SPTBN4: variants seen among roughly 807,000 people sequenced by gnomAD.
SPTBN4 encodes the protein spectrin beta chain, non-erythrocytic 4.
Under a neutral mutation model 277.8 loss-of-function variants are expected in SPTBN4, and 96 were observed. The observed-to-expected ratio is 0.35, with a 90% CI of 0.29 to 0.41. SPTBN4 has a LOEUF of 0.41. SPTBN4 is among the 10% of genes least tolerant of loss of function. SPTBN4 has a pLI of 1.00. For synonymous variants in SPTBN4, 1,481 were observed against 1,580.3 expected, an observed-to-expected ratio of 0.94 and a Z score of 1.49; for missense variants, 3,006 against 3,595.7, an observed-to-expected ratio of 0.84 and a Z score of 4.19.
intron 7 of SPTBN4, among the ~76,000 whole-genome samples, chr19:40,500,402 C>T (rs1486542625): frequency 6.6e-6 from 1 of 152,208 alleles, no homozygotes; most frequent in African/African-American, 2.4e-5. Context: ...GATCCAAGTG[C>T]ATGCTGCCTC....
chr19:40,553,919 C>T (rs1599800016), intron 22 of SPTBN4, among the ~76,000 whole-genome samples: 2 of 152,276 alleles, frequency 1.3e-5, no homozygotes, highest in East Asian at 1.9e-4. Context: ...TGTTCTTGGG[C>T]GCCGTACTTC....
chr19:40,523,108 G>A (rs1770309425), intron 16 of SPTBN4, among the ~76,000 whole-genome samples: 3 of 152,116 alleles, frequency 2.0e-5, no homozygotes, highest in Non-Finnish European at 2.9e-5. Flanking sequence ...CATCCAGCCT[G>A]GGCAACAGAG....
chr19:40,515,594 C>G lies in SPTBN4; in HGVS notation c.2903+146C>G. Reference sequence around the variant, plus strand: ...AAAATGTTGACCAAAAATCATAATCCCTGATACTGGTGATGACGTGGTAAA... The same window carrying G: ...AAAATGTTGACCAAAAATCATAATCGCTGATACTGGTGATGACGTGGTAAA... On this transcript the variant is annotated intron_variant, in intron 15 of 35. Transcript: ENST00000598249. The surrounding 1 kb of genome is among the most constrained non-coding windows in gnomAD (Gnocchi z 4.1). The G allele has an allele frequency of 2.0e-6, 2 of 981,748 alleles. 1 individual carries two copies. Among genetic ancestry groups the G allele is most frequent in the Non-Finnish European group, 2.8e-6 (2 of 704,984 alleles). The allele number at this position is 981,748 out of a possible 1,614,324, so 60.8% of individuals were successfully genotyped here. A position where few individuals can be genotyped will look rare whatever the true frequency, so the allele number is the denominator to read the frequency against.
At chr19:40,542,057 G>A (rs1314470229) in intron 20 of SPTBN4, among the ~76,000 whole-genome samples, 4 of 152,318 alleles carry the variant, frequency 2.6e-5, no homozygotes, top group African/African-American at 9.6e-5. Context: ...AAGTAGTTGT[G>A]ATTACAGGCG....
intron 20 of SPTBN4, among the ~76,000 whole-genome samples, chr19:40,543,696 C>G (rs1340176211): frequency 6.6e-6 from 1 of 151,998 alleles, no homozygotes; most frequent in Admixed American, 6.6e-5. Context: ...TGAATATATT[C>G]TTTTGGGAAA....
At chr19:40,570,116 T>TACAC (rs367582784) in intron 32 of SPTBN4, among the ~76,000 whole-genome samples, 1 of 150,140 alleles carries the variant, frequency 6.7e-6, no homozygotes, top group East Asian at 2.0e-4. Flanking sequence ...CATAGCCTCA[T>TACAC]ACACACACAC....
At chr19:40,491,674 A>G (rs1272001047) in intron 4 of SPTBN4, among the ~76,000 whole-genome samples, 2 of 134,562 alleles carry the variant, frequency 1.5e-5, no homozygotes, top group Non-Finnish European at 3.1e-5. Context: ...AGACCACACC[A>G]CTGCACTCCA....
chr19:40,495,035 C>G, intron 6 of SPTBN4, 58 bp downstream of exon 6: 6 of 1,501,950 alleles, frequency 4.0e-6, no homozygotes, highest in Non-Finnish European at 5.6e-6. Context: ...ATCCCTGCAG[C>G]TGCACACCTG....
intron 20 of SPTBN4, among the ~76,000 whole-genome samples, chr19:40,537,212 G>A (rs748348488): frequency 2.6e-5 from 4 of 152,144 alleles, no homozygotes; most frequent in Non-Finnish European, 5.9e-5. Context: ...GTTTCAGCAT[G>A]TTGCCCAGGC....
rs539073922 is a variant in SPTBN4 at position 40,473,007 on chromosome 19, C to G, written c.169+217C>G. On this transcript the variant is annotated intron_variant, in intron 2 of 35. Transcript: ENST00000598249. ...AAATGTGGCCAGTGCTATGTGACAG[C>G]CTTTGAGTTTTAAATTTTATTTAGT... Among the ~76,000 whole-genome samples the G allele has an allele frequency of 1.2e-4, 18 of 152,096 alleles. No individual in the cohort carries two copies. The South Asian group carries it at 3.3e-3, about 28-fold the overall frequency.
At chr19:40,488,430 T>TG (rs1568766896) in intron 3 of SPTBN4, among the ~76,000 whole-genome samples, 1 of 151,994 alleles carries the variant, frequency 6.6e-6, no homozygotes, top group Non-Finnish European at 1.5e-5. Context: ...GGGATTCTCA[T>TG]GGGGTAGAGA....
At chr19:40,522,438 C>T (rs2080538653) in intron 16 of SPTBN4, among the ~76,000 whole-genome samples, 1 of 151,268 alleles carries the variant, frequency 6.6e-6, no homozygotes, top group African/African-American at 2.4e-5. Flanking sequence ...GCACCTCCTC[C>T]GCCTTCTGGG....
chr19:40,514,434 T>C (rs2080430631), intron 14 of SPTBN4, among the ~76,000 whole-genome samples: 1 of 152,150 alleles, frequency 6.6e-6, no homozygotes, highest in South Asian at 2.1e-4. Flanking sequence ...GGGACCCAGA[T>C]GGAGCGGAAC....
At chr19:40,540,362 T>G (rs2080786248) in intron 20 of SPTBN4, among the ~76,000 whole-genome samples, 1 of 152,102 alleles carries the variant, frequency 6.6e-6, no homozygotes. Flanking sequence ...TTGTTCATAT[T>G]CCATTTGGGG....
chr19:40,500,560 C>T (rs2080252786), intron 7 of SPTBN4, among the ~76,000 whole-genome samples: 1 of 152,194 alleles, frequency 6.6e-6, no homozygotes, highest in Non-Finnish European at 1.5e-5. Context: ...TGGCCCACGC[C>T]TATAGTCCCA....
chr19:40,493,495 G>A (rs1435846384), intron 5 of SPTBN4, among the ~76,000 whole-genome samples: 1 of 152,182 alleles, frequency 6.6e-6, no homozygotes, highest in Non-Finnish European at 1.5e-5. Flanking sequence ...ATCAGCCTAG[G>A]CAACATAGCA....
At chr19:40,470,868 T>C (rs565977135) in intron 1 of SPTBN4, among the ~76,000 whole-genome samples, 142 of 138,436 alleles carry the variant, frequency 1.0e-3, no homozygotes, top group African/African-American at 3.8e-3. Context: ...CCTCACCTCG[T>C]GATCCGCCTG....
intron 2 of SPTBN4, 120 bp downstream of exon 2, chr19:40,472,910 G>C: frequency 2.9e-6 from 3 of 1,033,186 alleles, no homozygotes; most frequent in South Asian, 1.8e-5. Flanking sequence ...AACTTTCCAT[G>C]ATGGTGGAAA....
chr19:40,484,819 C>G (rs896701104), intron 2 of SPTBN4, among the ~76,000 whole-genome samples: 1 of 151,738 alleles, frequency 6.6e-6, no homozygotes, highest in Non-Finnish European at 1.5e-5. Context: ...GTAGTCCCAG[C>G]TACTGAGGAG....
Sources: gnomAD v4.1 joint callset for allele counts (sites outside exome capture counted in the v4.1 genomes callset) on GRCh38, gnomAD v4.1.1 for gene constraint, Gnocchi (gnomAD v3.1) non-coding constraint, MANE v1.5 for transcripts, NCBI Gene and HGNC (gene_info 2026-07-23, HGNC 2026-07-21) for gene names.